The following TMEM178B variants were observed in gnomAD, a reference collection of about 807,000 sequenced individuals.
TMEM178B encodes transmembrane protein 178B.
Under a neutral mutation model 31.0 loss-of-function variants are expected in TMEM178B, and 5 were observed. The observed-to-expected ratio is 0.16, with a 90% confidence interval of 0.08 to 0.34. The LOEUF (loss-of-function observed/expected upper bound fraction) is 0.34, where lower values mean the gene tolerates loss of function less well. Among genes scored for constraint, TMEM178B ranks in the 10% least tolerant of loss-of-function variants. The pLI is 1.00. For synonymous variants in TMEM178B, 164 were observed against 164.0 expected (o/e 1.00, Z 0.00); for missense variants, 275 against 400.3 (o/e 0.69, Z 2.67).
intron 2 of TMEM178B, among the ~76,000 whole-genome samples, chr7:141,317,828 G>A (rs570747513): frequency 6.6e-6 from 1 of 152,144 alleles, no homozygotes; most frequent in Non-Finnish European, 1.5e-5. Context: ...AGGGTTTAGT[G>A]ACAAAGTCTC....
intron 1 of TMEM178B, among the ~76,000 whole-genome samples, chr7:141,187,223 A>G (rs988330699): frequency 6.6e-6 from 1 of 150,866 alleles, no homozygotes; most frequent in African/African-American, 2.4e-5. Flanking sequence ...TAGTTTGCTG[A>G]GAATGATGGT....
rs140802842 is a variant in TMEM178B, at chr7:141,291,636, C to A, written c.496+78932C>A. The stretch of plus-strand genomic sequence containing the variant: ...AGAGGTGAGAACACCTTACTCCTTC[C>A]CCATCCACCAAGACAGTAGCAAGAA... On this transcript the variant is annotated intron_variant, in intron 2 of 3. Transcript: ENST00000565468. Among the ~76,000 whole-genome samples the A allele has an allele frequency of 2.6e-3, 393 of 152,158 alleles. 4 individuals are homozygous for A. The highest frequency in any genetic ancestry group is 9.0e-3 in the African/African-American group (374 of 41,504).
intron 2 of TMEM178B, among the ~76,000 whole-genome samples, chr7:141,425,547 A>T (rs1801297092): frequency 6.6e-6 from 1 of 152,054 alleles, no homozygotes; most frequent in East Asian, 1.9e-4. Context: ...GTTTCCTTTC[A>T]TCCTTCCCTT....
chr7:141,123,869 C>T (rs367728452), intron 1 of TMEM178B, among the ~76,000 whole-genome samples: 16 of 150,862 alleles, frequency 1.1e-4, no homozygotes, highest in African/African-American at 4.0e-4. Context: ...CCATCCACCT[C>T]AGCTTCCTGA....
chr7:141,088,983 TTTCA>T (rs1434865168), intron 1 of TMEM178B, among the ~76,000 whole-genome samples: 3 of 152,220 alleles, frequency 2.0e-5, no homozygotes, highest in African/African-American at 7.2e-5. Flanking sequence ...TGAGATAAAC[TTTCA>T]TTCATTCAAC....
chr7:141,183,522 A>G (rs542595210), intron 1 of TMEM178B, among the ~76,000 whole-genome samples: 67 of 152,326 alleles, frequency 4.4e-4, no homozygotes, highest in Admixed American at 1.1e-3. Context: ...CAAACAATTT[A>G]GAGACACCTA....
chr7:141,473,083 A>G lies in TMEM178B; in HGVS notation c.*2297A>G, dbSNP rs938518484. On this transcript the variant is annotated 3_prime_UTR_variant, in exon 4 of 4. Transcript: ENST00000565468. ...GCTTCCAGTTGGGGTTCTAAGGATT[A>G]TTTTTAAAACAAAGGATTTATTCTA... 1 of 152,200 alleles carries G rather than the reference A, an allele frequency of 6.6e-6. No homozygotes were observed. The highest frequency in any genetic ancestry group is 2.4e-5 in the African/African-American group (1 of 41,448). The allele number at this position is 152,200 out of a possible 1,614,324, so 9.4% of individuals were successfully genotyped here.
intron 1 of TMEM178B, among the ~76,000 whole-genome samples, chr7:141,169,405 A>C: frequency 6.6e-6 from 1 of 152,256 alleles, no homozygotes; most frequent in East Asian, 1.9e-4. Flanking sequence ...ATAGTATTCC[A>C]TGGTGCATAT....
intron 2 of TMEM178B, among the ~76,000 whole-genome samples, chr7:141,292,356 A>T (rs1586874567): frequency 6.6e-6 from 1 of 152,040 alleles, no homozygotes; most frequent in African/African-American, 2.4e-5. Flanking sequence ...TCTCACTGTC[A>T]CCTTGCCATC....
At chr7:141,225,947 C>T (rs1031366868) in intron 2 of TMEM178B, among the ~76,000 whole-genome samples, 2 of 152,158 alleles carry the variant, frequency 1.3e-5, no homozygotes, top group Non-Finnish European at 2.9e-5. Context: ...CATTCTGCCA[C>T]GTTTCCCTGA....
chr7:141,282,770 G>A (rs1011774846), intron 2 of TMEM178B, among the ~76,000 whole-genome samples: 82 of 152,190 alleles, frequency 5.4e-4, no homozygotes, highest in Admixed American at 3.0e-3. Context: ...AGCCTATTCA[G>A]CAAATGAACA....
chr7:141,260,911 C>T (rs2116359873), intron 2 of TMEM178B, among the ~76,000 whole-genome samples: 1 of 152,066 alleles, frequency 6.6e-6, no homozygotes, highest in African/African-American at 2.4e-5. Context: ...TGGAAAATTA[C>T]AGAAATATTA....
At chr7:141,117,513 T>C (rs149592073) in intron 1 of TMEM178B, among the ~76,000 whole-genome samples, 20,268 of 152,248 alleles carry the variant, frequency 0.13, 1,560 homozygotes, top group South Asian at 0.22. Flanking sequence ...TTCAGTTTAA[T>C]TAGTTCCCAT....
rs568049779 is a variant in TMEM178B at position 141,215,488 on chromosome 7, G to A, written c.496+2784G>A. ...CTACAGGCGTGTGCCACCATGCCCAGCTAACTTCTGTATTTTTAGTAGAGA... is the reference window on the plus strand; with the variant it reads ...CTACAGGCGTGTGCCACCATGCCCAACTAACTTCTGTATTTTTAGTAGAGA... On this transcript the variant is annotated intron_variant, in intron 2 of 3. Coordinates refer to ENST00000565468, the MANE Select transcript of TMEM178B (RefSeq NM_001195278.2). 2.4e-4 allele frequency among the ~76,000 whole-genome samples: 36 copies of A among 151,912 alleles called. 1 individual carries two copies. In the South Asian group the frequency reaches 6.7e-3, roughly 28 times the overall value.
intron 2 of TMEM178B, among the ~76,000 whole-genome samples, chr7:141,436,043 G>C (rs1801532419): frequency 6.6e-6 from 1 of 152,170 alleles, no homozygotes; most frequent in African/African-American, 2.4e-5. Flanking sequence ...GCCGGGGGCT[G>C]TCAGTGTCTG....
At position 141,316,619 on chromosome 7, in the gene TMEM178B, G is replaced by A. The variant is rs556321058; in HGVS notation, c.496+103915G>A. ...CGAATACAACACACATTTCCCACAC[G>A]TTTACCTCTGACATTTGCAAGTATC... On this transcript the variant is annotated intron_variant, in intron 2 of 3. Transcript: ENST00000565468. Among the ~76,000 whole-genome samples, 24 of 152,152 alleles carry A rather than the reference G, an allele frequency of 1.6e-4. No homozygotes were observed. In the South Asian group the frequency reaches 2.9e-3, roughly 18 times the overall value.
intron 2 of TMEM178B, among the ~76,000 whole-genome samples, chr7:141,267,757 T>C (rs1310446399): frequency 6.6e-6 from 1 of 152,228 alleles, no homozygotes; most frequent in Non-Finnish European, 1.5e-5. Flanking sequence ...TATATCCTTG[T>C]CTAGAGCAGC....
At chr7:141,114,203 G>A (rs1159594483) in intron 1 of TMEM178B, among the ~76,000 whole-genome samples, 1 of 152,252 alleles carries the variant, frequency 6.6e-6, no homozygotes, top group Admixed American at 6.5e-5. Context: ...AGGCATCTCT[G>A]TGTCCTGTCT....
intron 2 of TMEM178B, among the ~76,000 whole-genome samples, chr7:141,349,229 G>A (rs1799670321): frequency 6.6e-6 from 1 of 151,910 alleles, no homozygotes; most frequent in Non-Finnish European, 1.5e-5. Flanking sequence ...GTATTTATTT[G>A]TACTGATATT....
Sources: gnomAD v4.1 joint callset for allele counts (sites outside exome capture counted in the v4.1 genomes callset) on GRCh38, gnomAD v4.1.1 for gene constraint, MANE v1.5 for transcripts, NCBI Gene and HGNC (gene_info 2026-07-23, HGNC 2026-07-21) for gene names.